The following ERICH3 variants were observed in gnomAD, a reference collection of about 807,000 sequenced individuals.
The protein encoded by ERICH3 is glutamate rich 3.
A neutral mutation model predicts 131.1 loss-of-function variants in ERICH3; 126 were observed. That is an observed-to-expected ratio of 0.96 (90% CI 0.83 to 1.11). The LOEUF (loss-of-function observed/expected upper bound fraction) is 1.11, where lower values mean the gene tolerates loss of function less well. Among genes scored for constraint, ERICH3 ranks in the 50% most tolerant of loss-of-function variants. The probability of loss-of-function intolerance (pLI) is 0.00; values close to 1 mark genes in which losing one functional copy is unlikely to be tolerated. For missense variants in ERICH3, 2,050 were observed against 1,810.7 expected (o/e 1.13, Z -2.40); for synonymous variants, 695 against 644.6 (o/e 1.08, Z -1.18).
At chr1:74,577,626 T>C (rs1346508607) in intron 12 of ERICH3, 1 of 152,088 alleles carries the variant, frequency 6.6e-6, no homozygotes, top group African/African-American at 2.4e-5. Context: ...CTCTGAAGCA[T>C]AAACAACTCC....
chr1:74,647,505 T>C (rs537503179), intron 2 of ERICH3, among the ~76,000 whole-genome samples: 2 of 152,274 alleles, frequency 1.3e-5, no homozygotes, highest in South Asian at 2.1e-4. Context: ...ATAGTCAATA[T>C]TGGTCTCAAC....
chr1:74,608,943 T>C (rs1570862465), intron 9 of ERICH3, among the ~76,000 whole-genome samples: 1 of 152,068 alleles, frequency 6.6e-6, no homozygotes, highest in African/African-American at 2.4e-5. Flanking sequence ...AAGGCTTTGA[T>C]GCCTCCCTAC....
chr1:74,612,490 C>G (rs1449087491), intron 9 of ERICH3, 133 bp downstream of exon 9: 4 of 709,968 alleles, frequency 5.6e-6, no homozygotes, highest in East Asian at 2.9e-5. Flanking sequence ...AATAAACAAC[C>G]CTGAACCTAG....
Position 74,571,424 on chromosome 1 carries a change from G to A in ERICH3, c.4286C>T (p.Ala1429Val), listed in dbSNP as rs141559025. ...CAGGGCTCCTGGAGTGCCCACCCCA[G>A]CCTCTGTTGTATATGTCACTGTCAT... ...EEMTVTYTTE[A>V]GVGTPGALER... The change falls in exon 14 of 15, where the codon GCT becomes GTT. Residue 1429 changes from alanine (A) to valine (V), a missense_variant. Ala to Val is a moderately conservative substitution (Grantham distance 64). Transcript: ENST00000326665. The A allele has an allele frequency of 1.5e-4, 243 of 1,613,838 alleles. No individual in the cohort carries two copies. In the African/African-American group the frequency reaches 2.7e-3, roughly 18 times the overall value.
chr1:74,663,556 G>A (rs929068513), intron 1 of ERICH3, among the ~76,000 whole-genome samples: 2 of 150,730 alleles, frequency 1.3e-5, no homozygotes, highest in African/African-American at 4.9e-5. Context: ...TGCAGTTATG[G>A]TCCATGAGAA....
chr1:74,634,087 TAA>T (rs1378588916), intron 6 of ERICH3, among the ~76,000 whole-genome samples: 1 of 152,114 alleles, frequency 6.6e-6, no homozygotes, highest in Non-Finnish European at 1.5e-5. Flanking sequence ...AAAAAAGCAA[TAA>T]GAGTTTTTTG....
rs2100515177 is a variant in ERICH3 at position 74,573,421 on chromosome 1, C to A, written c.2289G>T (p.Val763=). Residue 763 remains valine (V), a synonymous_variant, in exon 14 of 15, where the codon GTG becomes GTT. Coordinates refer to ENST00000326665, the MANE Select transcript of ERICH3 (RefSeq NM_001002912.5). The part of the protein sequence containing the change: ...INSNKESQQL[V]QKTYTLEKKE... ...TCTTCTCCAGTGTATACGTTTTTTG[C>A]ACCAATTGCTGGGATTCCTTGTTTG... The A allele has an allele frequency of 6.3e-7, 1 of 1,576,796 alleles. No individual in the cohort carries two copies. Among genetic ancestry groups the A allele is most frequent in the South Asian group, 1.2e-5 (1 of 84,192 alleles).
intron 1 of ERICH3, among the ~76,000 whole-genome samples, chr1:74,667,933 T>C (rs1646707230): frequency 6.6e-6 from 1 of 152,146 alleles, no homozygotes; most frequent in Admixed American, 6.5e-5. Flanking sequence ...CTTGTGACAG[T>C]GAGGGAATTC....
At chr1:74,638,606 C>A (rs1172652092) in intron 5 of ERICH3, among the ~76,000 whole-genome samples, 2 of 152,172 alleles carry the variant, frequency 1.3e-5, no homozygotes, top group Non-Finnish European at 2.9e-5. Flanking sequence ...TATCTGTTTT[C>A]TTTTCTTCAC....
At chr1:74,630,280 G>A (rs149856276) in intron 7 of ERICH3, among the ~76,000 whole-genome samples, 2 of 152,278 alleles carry the variant, frequency 1.3e-5, no homozygotes, top group Admixed American at 6.5e-5. Flanking sequence ...TAAGTTAGTG[G>A]ATATGGTAGA....
chr1:74,589,231 A>G, intron 12 of ERICH3: 1 of 249,634 alleles, frequency 4.0e-6, no homozygotes, highest in Non-Finnish European at 7.7e-6. Flanking sequence ...CGTAGTAAGC[A>G]CCTATTAACA....
chr1:74,655,692 G>T (rs1646577435), intron 1 of ERICH3, among the ~76,000 whole-genome samples: 1 of 152,086 alleles, frequency 6.6e-6, no homozygotes, highest in African/African-American at 2.4e-5. Flanking sequence ...AGATCCACAT[G>T]CTCTGAAGGC....
intron 12 of ERICH3, chr1:74,579,297 T>C: frequency 5.9e-6 from 4 of 675,714 alleles, no homozygotes; most frequent in Non-Finnish European, 7.3e-6. Flanking sequence ...TATAAAAATA[T>C]AGTCTATAAT....
chr1:74,640,653 C>T (rs1436644090), intron 5 of ERICH3, among the ~76,000 whole-genome samples: 1 of 152,024 alleles, frequency 6.6e-6, no homozygotes, highest in African/African-American at 2.4e-5. Flanking sequence ...GGTACTTTAC[C>T]TTCCCTCAAG....
In ERICH3 at chr1:74,634,815, C is replaced by A. The variant is rs1646373901; in HGVS notation, c.603+1465G>T. 4 of 603,310 alleles carry A rather than the reference C, an allele frequency of 6.6e-6. No homozygotes were observed. In the Admixed American group the frequency reaches 9.3e-5, roughly 14 times the overall value. 37.4% of individuals were successfully genotyped at this position (603,310 alleles called of 1,614,324 possible). A position where few individuals can be genotyped will look rare whatever the true frequency, so the allele number is the denominator to read the frequency against. ...CAAAGACCTTTGAGTTTTCTGGTAC[C>A]TTTGGCTAGCCCATTCCCAAGATGA... On this transcript the variant is annotated intron_variant, in intron 6 of 14. Transcript: ENST00000326665.
At chr1:74,619,577 C>T (rs1047039757) in intron 8 of ERICH3, among the ~76,000 whole-genome samples, 12 of 152,164 alleles carry the variant, frequency 7.9e-5, no homozygotes, top group African/African-American at 2.7e-4. Context: ...GGGCCTTGCA[C>T]CTAGCCAGGG....
intron 11 of ERICH3, among the ~76,000 whole-genome samples, chr1:74,596,413 T>C (rs1647853599): frequency 6.6e-6 from 1 of 152,086 alleles, no homozygotes; most frequent in East Asian, 1.9e-4. Context: ...GTACACATAG[T>C]ATAATGATCA....
intron 6 of ERICH3, among the ~76,000 whole-genome samples, chr1:74,635,035 G>A (rs1646375951): frequency 6.6e-6 from 1 of 152,044 alleles, no homozygotes; most frequent in Non-Finnish European, 1.5e-5. Context: ...AATAGCCCCT[G>A]AATATCATTG....
At chr1:74,673,334 T>C (rs2100665766) in intron 1 of ERICH3, among the ~76,000 whole-genome samples, 163 bp downstream of exon 1, 1 of 152,220 alleles carries the variant, frequency 6.6e-6, no homozygotes, top group South Asian at 2.1e-4. Context: ...CTGGGATTTC[T>C]GCCATCCTCG....
Sources: allele counts gnomAD v4.1 joint callset (sites outside exome capture counted in the v4.1 genomes callset), GRCh38; gene constraint gnomAD v4.1.1; transcripts MANE v1.5; gene names NCBI Gene and HGNC (gene_info 2026-07-23, HGNC 2026-07-21).